The following SCLT1 variants were observed in gnomAD, a reference collection of about 807,000 sequenced individuals.
The protein encoded by SCLT1 is sodium channel and clathrin linker 1.
Under a neutral mutation model 112.8 loss-of-function variants are expected in SCLT1, and 78 were observed. The ratio of observed to expected loss-of-function variants is 0.69; its 90% CI spans 0.58 to 0.83. The LOEUF is 0.83. Among genes scored for constraint, SCLT1 ranks in the 40% least tolerant of loss-of-function variants. The probability of loss-of-function intolerance (pLI) is 0.00; values close to 1 mark genes in which losing one functional copy is unlikely to be tolerated. For synonymous variants in SCLT1, 257 were observed against 254.7 expected, an observed-to-expected ratio of 1.01 and a Z score of -0.09; for missense variants, 747 against 770.4, an observed-to-expected ratio of 0.97 and a Z score of 0.36.
chr4:129,063,320 T>C (rs1023898312), intron 2 of SCLT1, among the ~76,000 whole-genome samples: 2 of 152,230 alleles, frequency 1.3e-5, no homozygotes, highest in African/African-American at 2.4e-5. Flanking sequence ...ACCAAGCTTC[T>C]CTTAGACATT....
chr4:128,964,438 A>G (rs931965121), intron 11 of SCLT1, among the ~76,000 whole-genome samples: 2 of 152,048 alleles, frequency 1.3e-5, no homozygotes, highest in Admixed American at 1.3e-4. Flanking sequence ...ACAAGGGAGA[A>G]CAGTACTGGG....
At chr4:128,904,914 G>A (rs967437726) in intron 18 of SCLT1, among the ~76,000 whole-genome samples, 1 of 152,064 alleles carries the variant, frequency 6.6e-6, no homozygotes, top group Non-Finnish European at 1.5e-5. Flanking sequence ...GCGGGTCAGC[G>A]TTAGATATAC....
intron 5 of SCLT1, among the ~76,000 whole-genome samples, chr4:129,028,251 G>C (rs1746322815): frequency 6.6e-6 from 1 of 152,150 alleles, no homozygotes; most frequent in South Asian, 2.1e-4. Flanking sequence ...AAAGCTGGAG[G>C]CATCACGCTA....
At chr4:128,987,439 C>T (rs889757946) in intron 9 of SCLT1, among the ~76,000 whole-genome samples, 1 of 152,116 alleles carries the variant, frequency 6.6e-6, no homozygotes, top group Admixed American at 6.5e-5. Context: ...TTTGGGGAAG[C>T]TCAACAAATT....
At chr4:128,875,077 C>CATG (rs780412123) in intron 4 of SCLT1, 9 of 151,518 alleles carry the variant, frequency 5.9e-5, no homozygotes, top group African/African-American at 9.7e-5. Flanking sequence ...TTTTATATTA[C>CATG]ATGACCCAAT....
At chr4:128,917,418 G>A (rs1735563872) in intron 18 of SCLT1, among the ~76,000 whole-genome samples, 1 of 152,090 alleles carries the variant, frequency 6.6e-6, no homozygotes, top group Admixed American at 6.6e-5. Flanking sequence ...TGCCACATTG[G>A]TTTTAATGAT....
intron 14 of SCLT1, chr4:128,952,563 T>A (rs1471579032): frequency 3.4e-6 from 2 of 586,732 alleles, no homozygotes; most frequent in African/African-American, 3.7e-5. Context: ...CAGTAAAATG[T>A]GATAAATGCC....
intron 2 of SCLT1, among the ~76,000 whole-genome samples, chr4:129,075,654 T>C (rs111459475): frequency 5.9e-5 from 9 of 152,310 alleles, no homozygotes; most frequent in African/African-American, 1.9e-4. Context: ...AAAAGCCCCA[T>C]GTAACTAGTG....
chr4:129,089,064 A>G (rs1462557244), intron 1 of SCLT1, among the ~76,000 whole-genome samples: 3 of 152,206 alleles, frequency 2.0e-5, no homozygotes, highest in African/African-American at 7.2e-5. Context: ...GAATGAACAG[A>G]CAACCTACAG....
chr4:128,886,848 T>A (rs1431005775), intron 20 of SCLT1, among the ~76,000 whole-genome samples: 1 of 152,198 alleles, frequency 6.6e-6, no homozygotes, highest in East Asian at 1.9e-4. Context: ...ATTAATGTCC[T>A]GTAATCGTTC....
intron 10 of SCLT1, among the ~76,000 whole-genome samples, 195 bp from the exon 11 acceptor site, chr4:128,965,513 A>G (rs1302707786): frequency 6.6e-6 from 1 of 152,224 alleles, no homozygotes; most frequent in Non-Finnish European, 1.5e-5. Flanking sequence ...TTCATCATCA[A>G]TCCTGTGTTA....
chr4:128,925,840 G>C (rs1339015140), intron 18 of SCLT1, among the ~76,000 whole-genome samples: 4 of 151,872 alleles, frequency 2.6e-5, no homozygotes, highest in African/African-American at 9.7e-5. Context: ...ATGATCTGCT[G>C]TTAATCCCAT....
At chr4:129,085,954 A>T (rs1048781977) in intron 1 of SCLT1, among the ~76,000 whole-genome samples, 2 of 152,156 alleles carry the variant, frequency 1.3e-5, no homozygotes, top group Non-Finnish European at 2.9e-5. Context: ...ACAAATGCCC[A>T]TGACACAAGT....
At chr4:128,975,350 A>T (rs1291920644) in intron 9 of SCLT1, among the ~76,000 whole-genome samples, 5 of 152,028 alleles carry the variant, frequency 3.3e-5, no homozygotes, top group African/African-American at 1.2e-4. Context: ...ACAACTTTTT[A>T]AAAATAAAAC....
At chr4:129,019,289 T>G (rs1219664678) in intron 5 of SCLT1, among the ~76,000 whole-genome samples, 1 of 152,226 alleles carries the variant, frequency 6.6e-6, no homozygotes, top group Non-Finnish European at 1.5e-5. Context: ...ATAAAAGTTT[T>G]GATCTTTTAG....
intron 5 of SCLT1, among the ~76,000 whole-genome samples, chr4:129,034,691 T>G (rs1479819851): frequency 2.0e-5 from 3 of 150,482 alleles, no homozygotes; most frequent in Non-Finnish European, 4.4e-5. Context: ...GAACATTCCA[T>G]GTATTAGGGA....
chr4:128,893,475 T>C lies in SCLT1; in HGVS notation c.1830-2338A>G, dbSNP rs1335670968. Among the ~76,000 whole-genome samples, 4 of 152,242 alleles carry C rather than the reference T, an allele frequency of 2.6e-5. 1 individual carries two copies. Among genetic ancestry groups the C allele is most frequent in the Middle Eastern group, 6.3e-3 (2 of 316 alleles). On this transcript the variant is annotated intron_variant, in intron 18 of 20. Coordinates refer to ENST00000281142, the MANE Select transcript of SCLT1 (RefSeq NM_144643.4). ...ACATTTCCATAGTATTTGCTTACAATGTGCCAGGCACTGTTCTAGGTGCTT... is the reference window on the plus strand; with the variant it reads ...ACATTTCCATAGTATTTGCTTACAACGTGCCAGGCACTGTTCTAGGTGCTT...
At chr4:128,885,748 G>A (rs566320574) in intron 20 of SCLT1, among the ~76,000 whole-genome samples, 1 of 152,322 alleles carries the variant, frequency 6.6e-6, no homozygotes, top group East Asian at 1.9e-4. Flanking sequence ...TCCGGAGACT[G>A]TACCAACATG....
At chr4:128,926,944 C>T (rs318559) in intron 18 of SCLT1, among the ~76,000 whole-genome samples, 110,016 of 151,554 alleles carry the variant, frequency 0.73, 40,212 homozygotes, top group African/African-American at 0.81. Context: ...ACCAAAAGAA[C>T]ATGAGTAATT....
Sources: gnomAD v4.1 joint callset for allele counts (sites outside exome capture counted in the v4.1 genomes callset) on GRCh38, gnomAD v4.1.1 for gene constraint, MANE v1.5 for transcripts, NCBI Gene and HGNC (gene_info 2026-07-23, HGNC 2026-07-21) for gene names.